The following FAM53B variants were observed in gnomAD, a reference collection of about 807,000 sequenced individuals.
FAM53B encodes family with sequence similarity 53 member B, also known as protein FAM53B.
A neutral mutation model predicts 32.7 loss-of-function variants in FAM53B; 12 were observed. That is an observed-to-expected ratio of 0.37 (90% CI 0.24 to 0.59). The LOEUF (loss-of-function observed/expected upper bound fraction) is 0.59. FAM53B is among the 20% of genes least tolerant of loss of function. FAM53B has a pLI of 0.72. For synonymous variants in FAM53B, 234 were observed against 228.7 expected, an observed-to-expected ratio of 1.02 and a Z score of -0.21; for missense variants, 477 against 577.7, an observed-to-expected ratio of 0.83 and a Z score of 1.79.
chr10:124,654,806 G>A lies in FAM53B; in HGVS notation c.906+26801C>T, dbSNP rs370163465. On this transcript the variant is annotated intron_variant, in intron 4 of 4. Transcript: ENST00000337318. ...TCTGAGTCCCTGGGTTTGTGAGCAGGCCCCTTCCAGAAGGAGGTAAGGAGG... is the reference window on the plus strand; with the variant it reads ...TCTGAGTCCCTGGGTTTGTGAGCAGACCCCTTCCAGAAGGAGGTAAGGAGG... Among the ~76,000 whole-genome samples the A allele has an allele frequency of 9.8e-5, 15 of 152,302 alleles. No homozygotes were observed. The East Asian group carries it at 2.5e-3, about 25-fold the overall frequency.
intron 1 of FAM53B, among the ~76,000 whole-genome samples, chr10:124,735,881 G>A (rs748920064): frequency 3.9e-5 from 6 of 152,248 alleles, no homozygotes; most frequent in Non-Finnish European, 7.3e-5. Flanking sequence ...GCAAAGGGCA[G>A]ACCTAGGATT....
chr10:124,658,158 G>A (rs910697141), intron 4 of FAM53B, among the ~76,000 whole-genome samples: 10 of 152,224 alleles, frequency 6.6e-5, no homozygotes, highest in East Asian at 1.9e-4. Flanking sequence ...CAGGGGCAGC[G>A]AGCAAGAACC....
chr10:124,628,558 C>T (rs1043313832), intron 4 of FAM53B, among the ~76,000 whole-genome samples: 3 of 152,318 alleles, frequency 2.0e-5, no homozygotes, highest in East Asian at 3.9e-4. Context: ...TGTCTCTGGC[C>T]AGGCTGCTTC....
At chr10:124,653,106 G>T (rs1949566438) in intron 4 of FAM53B, among the ~76,000 whole-genome samples, 1 of 152,210 alleles carries the variant, frequency 6.6e-6, no homozygotes, top group African/African-American at 2.4e-5. Context: ...GTTAAACAGA[G>T]CCTTGAGGGC....
intron 3 of FAM53B, among the ~76,000 whole-genome samples, chr10:124,691,751 A>G (rs181539625): frequency 1.7e-4 from 26 of 152,338 alleles, no homozygotes; most frequent in African/African-American, 6.0e-4. Context: ...TTCACCAAAA[A>G]AGATCAAACT....
chr10:124,709,983 T>C (rs1334246037), intron 1 of FAM53B, among the ~76,000 whole-genome samples: 1 of 152,086 alleles, frequency 6.6e-6, no homozygotes, highest in Non-Finnish European at 1.5e-5. Flanking sequence ...CCCATGGTAC[T>C]TTTAGTTCTT....
At chr10:124,655,052 C>A (rs542795513) in intron 4 of FAM53B, among the ~76,000 whole-genome samples, 1 of 152,172 alleles carries the variant, frequency 6.6e-6, no homozygotes, top group Non-Finnish European at 1.5e-5. Context: ...TGGACAATCC[C>A]GTTTTAGATG....
At chr10:124,674,292 T>A (rs914108612) in intron 4 of FAM53B, among the ~76,000 whole-genome samples, 3 of 152,158 alleles carry the variant, frequency 2.0e-5, no homozygotes, top group Admixed American at 6.5e-5. Flanking sequence ...TTTGCCAAAT[T>A]TCTCCCCTTA....
intron 1 of FAM53B, among the ~76,000 whole-genome samples, chr10:124,711,902 TAA>T (rs560904411): frequency 7.1e-6 from 1 of 141,646 alleles, no homozygotes; most frequent in African/African-American, 2.6e-5. Flanking sequence ...AAATAAAAAC[TAA>T]AAAAAAAAAA....
chr10:124,692,005 G>A (rs903432929), intron 3 of FAM53B, among the ~76,000 whole-genome samples: 1 of 152,224 alleles, frequency 6.6e-6, no homozygotes, highest in Non-Finnish European at 1.5e-5. Flanking sequence ...TTCCTGTGTC[G>A]AGAGCACAAG....
rs376386568 is a variant in FAM53B, at chr10:124,639,433, G to C, written c.907-15829C>G. Among the ~76,000 whole-genome samples, 4 of 152,208 alleles carry C rather than the reference G, an allele frequency of 2.6e-5. No individual in the cohort carries two copies. In the South Asian group the frequency reaches 6.2e-4, roughly 24 times the overall value. On this transcript the variant is annotated intron_variant, in intron 4 of 4. Coordinates refer to ENST00000337318, the MANE Select transcript of FAM53B (RefSeq NM_014661.4). ...AGAAATAGAAAATCTGCTCTGTCTA[G>C]CTGAGTGGCCTTGGGCGGGTCATGG... is the stretch of plus-strand genomic sequence containing the variant.
intron 1 of FAM53B, among the ~76,000 whole-genome samples, chr10:124,708,806 C>T (rs753784261): frequency 4.6e-5 from 7 of 152,272 alleles, no homozygotes; most frequent in Non-Finnish European, 1.0e-4. Flanking sequence ...TTCCCTCCTC[C>T]CCCATTTCCA....
At chr10:124,739,373 C>T (rs1950188847) in intron 1 of FAM53B, among the ~76,000 whole-genome samples, 1 of 152,212 alleles carries the variant, frequency 6.6e-6, no homozygotes, top group Non-Finnish European at 1.5e-5. Context: ...AGCCCAGGGC[C>T]CAGGGTGGGC....
chr10:124,719,682 C>T (rs1288714449), intron 1 of FAM53B, among the ~76,000 whole-genome samples: 2 of 152,204 alleles, frequency 1.3e-5, no homozygotes, highest in African/African-American at 4.8e-5. Flanking sequence ...TTGTACTTCC[C>T]TTGCTCTCAG....
intron 1 of FAM53B, among the ~76,000 whole-genome samples, chr10:124,738,956 T>C (rs1482893156): frequency 6.6e-6 from 1 of 151,906 alleles, no homozygotes; most frequent in Non-Finnish European, 1.5e-5. Context: ...TTTTCTGAGA[T>C]TGAAGCAAAA....
chr10:124,673,330 T>C (rs1838859613), intron 4 of FAM53B, among the ~76,000 whole-genome samples: 1 of 152,178 alleles, frequency 6.6e-6, no homozygotes, highest in Non-Finnish European at 1.5e-5. Flanking sequence ...CTGTCATTCA[T>C]TCACTCTGCC....
chr10:124,663,512 G>A (rs960903548), intron 4 of FAM53B, among the ~76,000 whole-genome samples: 3 of 152,176 alleles, frequency 2.0e-5, no homozygotes, highest in Non-Finnish European at 4.4e-5. Context: ...ACAAACCAGA[G>A]GTGGCCTCCC....
At chr10:124,709,671 A>G (rs773514587) in intron 1 of FAM53B, among the ~76,000 whole-genome samples, 5 of 152,182 alleles carry the variant, frequency 3.3e-5, no homozygotes, top group East Asian at 1.9e-4. Context: ...GGTTAAATAC[A>G]TTACGGTGTT....
At position 124,651,127 on chromosome 10, in the gene FAM53B, C is replaced by T. The variant is rs113430573; in HGVS notation, c.907-27523G>A. 4.5e-4 allele frequency among the ~76,000 whole-genome samples: 69 copies of T among 152,356 alleles called. No homozygotes were observed. Among genetic ancestry groups the T allele is most frequent in the African/African-American group, 1.6e-3 (68 of 41,588 alleles). ...AAGGCAGGGCCAGCTGCACTCAGCA[C>T]AGGGGCAAAGCCAAGCCTTCTGTCC... On this transcript the variant is annotated intron_variant, in intron 4 of 4. Transcript: ENST00000337318. The surrounding 1 kb of genome is among the most constrained non-coding windows in gnomAD (Gnocchi z 5.2).
Sources: gnomAD v4.1 joint callset for allele counts (sites outside exome capture counted in the v4.1 genomes callset) on GRCh38, gnomAD v4.1.1 for gene constraint, Gnocchi (gnomAD v3.1) non-coding constraint, MANE v1.5 for transcripts, NCBI Gene and HGNC (gene_info 2026-07-23, HGNC 2026-07-21) for gene names.